Variants in ANKRD17 observed in about 807,000 individuals in gnomAD.
The protein encoded by ANKRD17 is ankyrin repeat domain 17, also known as ankyrin repeat domain-containing protein 17.
A neutral mutation model predicts 229.7 loss-of-function variants in ANKRD17; 19 were observed. The ratio of observed to expected loss-of-function variants is 0.08; its 90% CI spans 0.06 to 0.12. ANKRD17 has a LOEUF of 0.12. Ranked by LOEUF, ANKRD17 falls within the 10% of genes least tolerant of loss-of-function variation. ANKRD17 has a pLI of 1.00. For synonymous variants in ANKRD17, 1,112 were observed against 1,146.1 expected (o/e 0.97, Z 0.60); for missense variants, 2,176 against 3,176.8 (o/e 0.68, Z 7.57).
At chr4:73,235,447 A>G (rs947107997) in intron 1 of ANKRD17, among the ~76,000 whole-genome samples, 1 of 152,248 alleles carries the variant, frequency 6.6e-6, no homozygotes, top group Non-Finnish European at 1.5e-5. Flanking sequence ...CCAAGTACAC[A>G]TTAAAGTTAT....
chr4:73,139,914 T>C lies in ANKRD17; in HGVS notation c.2702A>G (p.Gln901Arg). 6.2e-7 allele frequency: 1 copy of C among 1,614,240 alleles called. No individual in the cohort carries two copies. Among genetic ancestry groups the C allele is most frequent in the Non-Finnish European group, 8.5e-7 (1 of 1,180,046 alleles). Residue 901 changes from glutamine to arginine, a missense_variant, in exon 15 of 34, where the codon CAG becomes CGG. By Grantham distance (43) the Gln-to-Arg change is conservative. This residue lies in a region of ANKRD17 where 230 missense variants were observed against 252.3 expected (regional missense o/e 0.91). Coordinates refer to ENST00000358602, the MANE Select transcript of ANKRD17 (RefSeq NM_032217.5). ...CAGGTGTTGGCAAGACTGTTGCTGC[T>C]GTTGCTGAAGTTGAATTCTTTGAGC... ...VKAQRIQLQQQQQQSCQHLGL... is the reference protein window; with the variant it reads ...VKAQRIQLQQRQQQSCQHLGL...
intron 29 of ANKRD17, among the ~76,000 whole-genome samples, chr4:73,087,105 A>T (rs1722281699): frequency 6.7e-6 from 1 of 149,760 alleles, no homozygotes; most frequent in African/African-American, 2.5e-5. Flanking sequence ...GGAACAATTT[A>T]TCATTTTTTC....
intron 1 of ANKRD17, among the ~76,000 whole-genome samples, chr4:73,234,618 C>G (rs1314604254): frequency 6.6e-6 from 1 of 152,182 alleles, no homozygotes; most frequent in East Asian, 1.9e-4. Context: ...TACGCAGGTA[C>G]CCCAAAAAGG....
chr4:73,115,757 T>C lies in ANKRD17; in HGVS notation c.4284+64A>G. ...ACACTTTACTACTCAAACTAGGAAT[T>C]CTTAGAATGGAAGATATATTAACCG... On this transcript the variant is annotated intron_variant, in intron 23 of 33. Transcript: ENST00000358602. 4 of 1,293,402 alleles carry C rather than the reference T, an allele frequency of 3.1e-6. No individual in the cohort carries two copies. In the East Asian group the frequency reaches 7.0e-5, roughly 23 times the overall value. The allele number at this position is 1,293,402 out of a possible 1,614,324, so 80.1% of individuals were successfully genotyped here.
At chr4:73,202,318 T>TAAAAAAAAAAAAAAAAAAAAAAAA (rs10533861) in intron 1 of ANKRD17, among the ~76,000 whole-genome samples, 1 of 21,902 alleles carries the variant, frequency 4.6e-5, no homozygotes, top group Non-Finnish European at 7.6e-5. Context: ...GGAACAGGAT[T>TAAAAAAAAAAAAAAAAAAAAAAAA]AAAAAAAAAA....
At chr4:73,186,301 A>G (rs1736282270) in intron 1 of ANKRD17, among the ~76,000 whole-genome samples, 1 of 152,030 alleles carries the variant, frequency 6.6e-6, no homozygotes, top group Non-Finnish European at 1.5e-5. Flanking sequence ...ACACTAATCC[A>G]AGTATAAGAC....
intron 10 of ANKRD17, among the ~76,000 whole-genome samples, chr4:73,145,967 T>C (rs1730233902): frequency 6.6e-6 from 1 of 152,162 alleles, no homozygotes; most frequent in African/African-American, 2.4e-5. Context: ...AGTTGCTTAT[T>C]AATCTTAGAA....
chr4:73,150,131 T>G (rs1185610620), intron 7 of ANKRD17, among the ~76,000 whole-genome samples: 1 of 152,220 alleles, frequency 6.6e-6, no homozygotes, highest in African/African-American at 2.4e-5. Flanking sequence ...CTCTAATGTC[T>G]TATTAGTTTG....
At chr4:73,151,236 T>G (rs1012098342) in intron 7 of ANKRD17, among the ~76,000 whole-genome samples, 194 bp downstream of exon 7, 2 of 152,178 alleles carry the variant, frequency 1.3e-5, no homozygotes, top group African/African-American at 4.8e-5. Flanking sequence ...TATAGTTATA[T>G]GAGACTAAGA....
chr4:73,210,678 C>G (rs1457554621), intron 1 of ANKRD17, among the ~76,000 whole-genome samples: 1 of 152,082 alleles, frequency 6.6e-6, no homozygotes, highest in Non-Finnish European at 1.5e-5. Flanking sequence ...AGTTTATACT[C>G]TGTATAAACA....
rs149546188 is a variant in ANKRD17, at chr4:73,151,316, A to T, written c.1329+114T>A. ...AAGTTAATGTTGTACAACTGATTCA[A>T]TAAGGTTCTGACAAACAGAATCATA... On this transcript the variant is annotated intron_variant, in intron 7 of 33. Coordinates refer to ENST00000358602, the MANE Select transcript of ANKRD17 (RefSeq NM_032217.5). 5.7e-6 allele frequency: 5 copies of T among 884,954 alleles called. No individual in the cohort carries two copies. In the South Asian group the frequency reaches 8.5e-5, roughly 15 times the overall value. 54.8% of individuals were successfully genotyped at this position (884,954 alleles called of 1,614,324 possible). A position where few individuals can be genotyped will look rare whatever the true frequency, so the allele number is the denominator to read the frequency against.
At chr4:73,256,828 C>T (rs993174393) in intron 1 of ANKRD17, among the ~76,000 whole-genome samples, 3 of 152,198 alleles carry the variant, frequency 2.0e-5, no homozygotes, top group Non-Finnish European at 4.4e-5. Context: ...TTCTCAGAAT[C>T]CAACAGGCTA....
At chr4:73,223,571 T>C (rs557590982) in intron 1 of ANKRD17, among the ~76,000 whole-genome samples, 127 of 152,308 alleles carry the variant, frequency 8.3e-4, no homozygotes, top group South Asian at 8.3e-4. Flanking sequence ...CTAATGTAGA[T>C]TTTTTAATAG....
intron 10 of ANKRD17, 41 bp from the exon 11 acceptor site, chr4:73,144,873 A>T: frequency 1.5e-6 from 2 of 1,372,872 alleles, no homozygotes; most frequent in Non-Finnish European, 2.0e-6. Context: ...TTTAATTGCC[A>T]GTGAACAAGT....
chr4:73,135,626 T>C (rs950425966), intron 15 of ANKRD17, among the ~76,000 whole-genome samples: 3 of 152,134 alleles, frequency 2.0e-5, no homozygotes, highest in East Asian at 1.9e-4. Flanking sequence ...AAAGGTAAAA[T>C]AGTCAAGATC....
chr4:73,255,420 T>C (rs931809605), intron 1 of ANKRD17, among the ~76,000 whole-genome samples: 1 of 152,238 alleles, frequency 6.6e-6, no homozygotes, highest in African/African-American at 2.4e-5. Flanking sequence ...TTGATGATTT[T>C]TACTGGAAGG....
intron 28 of ANKRD17, among the ~76,000 whole-genome samples, chr4:73,092,802 C>G (rs528072609): frequency 6.6e-6 from 1 of 151,956 alleles, no homozygotes; most frequent in East Asian, 1.9e-4. Context: ...GGGATGACTC[C>G]GTCTACTAAA....
chr4:73,091,366 T>C lies in ANKRD17; in HGVS notation c.6262A>G (p.Thr2088Ala), dbSNP rs746050969. The C allele has an allele frequency of 6.2e-7, 1 of 1,614,142 alleles. No homozygotes were observed. Among genetic ancestry groups the C allele is most frequent in the Non-Finnish European group, 8.5e-7 (1 of 1,180,046 alleles). ...CTGCTGTTTGGAGGTCTAGTGTTTG[T>C]TGTTTCTACTACTGGTGGACTACCT... The part of the protein sequence containing the change: ...EAGSPPVVET[T>A]NTRPPNSSSS... The change falls in exon 29 of 34, where the codon ACA becomes GCA. Residue 2088 changes from threonine to alanine, a missense_variant. Thr to Ala is a moderately conservative substitution (Grantham distance 58). Coordinates refer to ENST00000358602, the MANE Select transcript of ANKRD17 (RefSeq NM_032217.5).
In ANKRD17 at chr4:73,098,433, G is replaced by T. The variant is rs1338214053; in HGVS notation, c.4661C>A (p.Ser1554Tyr). The T allele has an allele frequency of 1.2e-6, 2 of 1,614,006 alleles. No homozygotes were observed. The highest frequency in any genetic ancestry group is 1.7e-6 in the Non-Finnish European group (2 of 1,180,032). ...TATGGTATTATTTCTTTTACCATGA[G>T]AACCTGCCAAAGTTGTCCAGGTTGC... ...ISATWTTLAG[S>Y]HGKRNNTITT... Residue 1554 changes from serine to tyrosine, a missense_variant, in exon 26 of 34, where the codon TCT becomes TAT. Coordinates refer to ENST00000358602, the MANE Select transcript of ANKRD17 (RefSeq NM_032217.5).
Sources: gnomAD v4.1 joint callset for allele counts (sites outside exome capture counted in the v4.1 genomes callset) on GRCh38, gnomAD v4.1.1 for gene constraint, gnomAD v4.1.1 regional missense constraint, MANE v1.5 for transcripts, NCBI Gene and HGNC (gene_info 2026-07-23, HGNC 2026-07-21) for gene names.